Variants in RNF150 observed in about 807,000 individuals in gnomAD.
RNF150 encodes ring finger protein 150.
Under a neutral mutation model 39.3 loss-of-function variants are expected in RNF150, and 24 were observed. The ratio of observed to expected loss-of-function variants is 0.61; its 90% CI spans 0.44 to 0.86. The LOEUF is 0.86. RNF150 is among the 40% of genes least tolerant of loss of function. The probability of loss-of-function intolerance (pLI) is 0.00; values close to 1 mark genes in which losing one functional copy is unlikely to be tolerated. For synonymous variants in RNF150, 255 were observed against 227.3 expected (o/e 1.12, Z -1.10); for missense variants, 502 against 587.8 (o/e 0.85, Z 1.51).
chr4:141,183,430 G>A (rs917280195), intron 1 of RNF150, among the ~76,000 whole-genome samples: 3 of 152,074 alleles, frequency 2.0e-5, no homozygotes, highest in Non-Finnish European at 4.4e-5. Context: ...TATGTAATTA[G>A]GTTACAGTAT....
chr4:141,146,949 G>A (rs937136213), intron 1 of RNF150, among the ~76,000 whole-genome samples: 2 of 152,160 alleles, frequency 1.3e-5, no homozygotes, highest in African/African-American at 4.8e-5. Flanking sequence ...TTTAGAGAAT[G>A]TGACTGTGTT....
intron 1 of RNF150, among the ~76,000 whole-genome samples, chr4:141,173,502 T>C (rs1162686063): frequency 1.3e-5 from 2 of 152,076 alleles, no homozygotes; most frequent in Admixed American, 1.3e-4. Context: ...TGAGGAACAG[T>C]GAGATCAAGG....
chr4:140,869,338 A>T (rs538534720), intron 6 of RNF150, among the ~76,000 whole-genome samples: 1 of 152,358 alleles, frequency 6.6e-6, no homozygotes, highest in East Asian at 1.9e-4. Context: ...AATGGAAGCA[A>T]AGAAACCAAA....
intron 4 of RNF150, among the ~76,000 whole-genome samples, chr4:140,943,035 G>T (rs190061739): frequency 6.6e-6 from 1 of 152,232 alleles, no homozygotes; most frequent in African/African-American, 2.4e-5. Context: ...TAAAAAATAA[G>T]CTAAAGGGGG....
At chr4:141,029,932 C>T (rs1347985224) in intron 1 of RNF150, among the ~76,000 whole-genome samples, 2 of 152,124 alleles carry the variant, frequency 1.3e-5, no homozygotes, top group Non-Finnish European at 2.9e-5. Flanking sequence ...CGTGGTGGCT[C>T]ACGCCTGTAA....
intron 6 of RNF150, among the ~76,000 whole-genome samples, chr4:140,886,676 A>G (rs62344997): frequency 0.13 from 20,524 of 152,130 alleles, 1,695 homozygotes; most frequent in East Asian, 0.38. Context: ...GGAGTGCAGC[A>G]ACACAATCTT....
chr4:140,988,386 G>C (rs184931794), intron 1 of RNF150, among the ~76,000 whole-genome samples: 2 of 152,020 alleles, frequency 1.3e-5, no homozygotes, highest in Admixed American at 6.6e-5. Flanking sequence ...TAAAGAAAAT[G>C]TGGTACATCT....
chr4:140,928,002 G>A lies in RNF150; in HGVS notation c.891-1929C>T, dbSNP rs1044007118. Among the ~76,000 whole-genome samples, 4 of 151,966 alleles carry A rather than the reference G, an allele frequency of 2.6e-5. 1 individual carries two copies. Among genetic ancestry groups the A allele is most frequent in the African/African-American group, 9.7e-5 (4 of 41,292 alleles). ...GTCTCAGGTATTTCTTTATAGCAGT[G>A]TGAGAACAGACTAATACATACTACT... On this transcript the variant is annotated intron_variant, in intron 4 of 6. Coordinates refer to ENST00000515673, the MANE Select transcript of RNF150 (RefSeq NM_020724.2).
intron 6 of RNF150, among the ~76,000 whole-genome samples, chr4:140,883,147 CAT>C (rs1034281045): frequency 2.9e-4 from 44 of 152,206 alleles, no homozygotes; most frequent in Admixed American, 3.3e-4. Flanking sequence ...GATAATGCCA[CAT>C]ATAAAAACTC....
At chr4:141,056,780 G>C (rs962763107) in intron 1 of RNF150, among the ~76,000 whole-genome samples, 1 of 151,972 alleles carries the variant, frequency 6.6e-6, no homozygotes, top group African/African-American at 2.4e-5. Flanking sequence ...CTCAGGACTA[G>C]GTTAGAGAAT....
chr4:141,137,800 C>G (rs1307723419), upstream of RNF150, among the ~76,000 whole-genome samples: 1 of 152,110 alleles, frequency 6.6e-6, no homozygotes, highest in Non-Finnish European at 1.5e-5. Context: ...GTAAAGTGAG[C>G]TCCCTAAAAT....
chr4:140,896,595 C>A (rs1729950474), intron 6 of RNF150, among the ~76,000 whole-genome samples: 2 of 96,878 alleles, frequency 2.1e-5, no homozygotes, highest in Admixed American at 1.1e-4. Flanking sequence ...CTAGATGACA[C>A]ATTAGTGGGT....
In RNF150 at chr4:140,864,737, A is replaced by G. The variant is rs930298286; in HGVS notation, c.*3524T>C. 1 of 152,198 alleles carries G rather than the reference A, an allele frequency of 6.6e-6. No homozygotes were observed. Among genetic ancestry groups the G allele is most frequent in the Non-Finnish European group, 1.5e-5 (1 of 68,058 alleles). The allele number at this position is 152,198 out of a possible 1,614,324, so 9.4% of individuals were successfully genotyped here. On this transcript the variant is annotated 3_prime_UTR_variant, in exon 7 of 7. Transcript: ENST00000515673. ...GTTCTCTTTGGCTCCTAAGTGCCAC[A>G]TATCAGTCCGAGGGTTTGCCATAGA...
At chr4:140,959,269 C>G (rs1178374333) in intron 2 of RNF150, among the ~76,000 whole-genome samples, 2 of 152,168 alleles carry the variant, frequency 1.3e-5, no homozygotes, top group South Asian at 2.1e-4. Context: ...AACCTTGACC[C>G]CCATCTAGCT....
intron 1 of RNF150, among the ~76,000 whole-genome samples, chr4:141,071,943 G>A (rs950255019): frequency 6.6e-6 from 1 of 152,120 alleles, no homozygotes; most frequent in Non-Finnish European, 1.5e-5. Flanking sequence ...GTGAGATTCT[G>A]CCATATTTTC....
chr4:140,890,891 C>G (rs575803566), intron 6 of RNF150, among the ~76,000 whole-genome samples: 3 of 152,318 alleles, frequency 2.0e-5, no homozygotes, highest in Non-Finnish European at 2.9e-5. Context: ...AGGAAGGGAC[C>G]TTTTGAGGAG....
At chr4:141,084,583 T>C (rs1419037446) in intron 1 of RNF150, among the ~76,000 whole-genome samples, 1 of 152,196 alleles carries the variant, frequency 6.6e-6, no homozygotes, top group African/African-American at 2.4e-5. Context: ...GAGAACTGAA[T>C]TGGTCCTAAA....
intron 6 of RNF150, among the ~76,000 whole-genome samples, chr4:140,907,303 A>AAAAG (rs1730418014): frequency 6.6e-6 from 1 of 152,254 alleles, no homozygotes; most frequent in Non-Finnish European, 1.5e-5. Context: ...GTGAGGTTTT[A>AAAAG]AAAGATGAAA....
At chr4:140,992,240 G>T (rs1253571444) in intron 1 of RNF150, among the ~76,000 whole-genome samples, 3 of 152,058 alleles carry the variant, frequency 2.0e-5, no homozygotes, top group Non-Finnish European at 4.4e-5. Context: ...GGTAGCTTAT[G>T]CCTGTAATGC....
Sources: gnomAD v4.1 joint callset for allele counts (sites outside exome capture counted in the v4.1 genomes callset) on GRCh38, gnomAD v4.1.1 for gene constraint, MANE v1.5 for transcripts, NCBI Gene and HGNC (gene_info 2026-07-23, HGNC 2026-07-21) for gene names.